The following DLGAP1 variants were observed in gnomAD, a reference collection of about 807,000 sequenced individuals.
DLGAP1 encodes the protein disks large-associated protein 1.
In DLGAP1, 11 loss-of-function variants were observed where a neutral mutation model predicts 90.8. The observed-to-expected ratio is 0.12, with a 90% confidence interval of 0.08 to 0.20. DLGAP1 has a LOEUF of 0.20. Ranked by LOEUF, DLGAP1 falls within the 10% of genes least tolerant of loss-of-function variation. The probability of loss-of-function intolerance (pLI) is 1.00; values close to 1 mark genes in which losing one functional copy is unlikely to be tolerated. For synonymous variants in DLGAP1, 558 were observed against 540.7 expected (o/e 1.03, Z -0.44); for missense variants, 1,050 against 1,333.8 (o/e 0.79, Z 3.31).
chr18:4,328,283 A>C (rs1003722342), intron 1 of DLGAP1, among the ~76,000 whole-genome samples: 20 of 151,924 alleles, frequency 1.3e-4, no homozygotes, highest in African/African-American at 4.6e-4. Flanking sequence ...TCAGCCAATG[A>C]ACTAAAGAAA....
intron 2 of DLGAP1, among the ~76,000 whole-genome samples, chr18:4,145,989 C>T (rs1356166010): frequency 6.6e-6 from 1 of 152,102 alleles, no homozygotes; most frequent in African/African-American, 2.4e-5. Context: ...AAAAAAAATG[C>T]TGAATTTTTC....
At chr18:4,369,187 A>G (rs1320211628) in intron 1 of DLGAP1, among the ~76,000 whole-genome samples, 4 of 152,162 alleles carry the variant, frequency 2.6e-5, no homozygotes, top group African/African-American at 4.8e-5. Context: ...AACTTTTCCT[A>G]GGTGTATGTT....
intron 9 of DLGAP1, among the ~76,000 whole-genome samples, chr18:3,554,337 A>G (rs537513472): frequency 7.2e-5 from 11 of 152,302 alleles, no homozygotes; most frequent in South Asian, 2.1e-4. Flanking sequence ...TGTGTGTCCT[A>G]TAGAGCGGTA....
chr18:3,659,455 G>A (rs1217055551), intron 7 of DLGAP1, among the ~76,000 whole-genome samples: 7 of 46,292 alleles, frequency 1.5e-4, no homozygotes, highest in South Asian at 1.2e-3. Flanking sequence ...ACCCCCCGCC[G>A]CCCCCACCCC....
intron 1 of DLGAP1, among the ~76,000 whole-genome samples, chr18:4,217,978 C>T (rs529986078): frequency 6.6e-6 from 1 of 152,028 alleles, no homozygotes; most frequent in East Asian, 1.9e-4. Context: ...TATCTAAACA[C>T]ATTGCTAAAA....
chr18:4,347,997 A>G (rs1000314204), intron 1 of DLGAP1, among the ~76,000 whole-genome samples: 1 of 152,150 alleles, frequency 6.6e-6, no homozygotes, highest in Non-Finnish European at 1.5e-5. Context: ...AAATTAAGAT[A>G]TTAATCCTTC....
intron 7 of DLGAP1, among the ~76,000 whole-genome samples, chr18:3,592,900 GAAAAAGA>G (rs1329083351): frequency 3.0e-5 from 2 of 66,934 alleles, no homozygotes; most frequent in Non-Finnish European, 7.0e-5. Flanking sequence ...AAAAGAAAAA[GAAAAAGA>G]AAAAAAAGAA....
At chr18:4,279,258 T>C (rs1057234978) in intron 1 of DLGAP1, among the ~76,000 whole-genome samples, 4 of 152,036 alleles carry the variant, frequency 2.6e-5, no homozygotes, top group Non-Finnish European at 5.9e-5. Context: ...TACAGGAAAG[T>C]GCATTCTAAA....
rs2082162473 is a variant in DLGAP1 at position 4,383,078 on chromosome 18, G to A, written c.-267+71928C>T. Among the ~76,000 whole-genome samples the A allele has an allele frequency of 6.6e-6, 1 of 152,100 alleles. No homozygotes were observed. The highest frequency in any genetic ancestry group is 1.5e-5 in the Non-Finnish European group (1 of 68,026). On this transcript the variant is annotated intron_variant, in intron 1 of 12. Coordinates refer to ENST00000315677, the MANE Select transcript of DLGAP1 (RefSeq NM_004746.4). This position sits in a 1 kb window ranked among gnomAD's most constrained non-coding sequence, Gnocchi z 4.0. ...CTAATAGAGGTCAAATGACTGATCT[G>A]CCTGCTAACAGAGTTTAGCAAAGGA...
chr18:3,752,978 C>T (rs948722294), intron 5 of DLGAP1, among the ~76,000 whole-genome samples: 11 of 152,116 alleles, frequency 7.2e-5, no homozygotes, highest in Non-Finnish European at 1.2e-4. Context: ...ATGAATAATG[C>T]TGTAATAAAC....
intron 3 of DLGAP1, among the ~76,000 whole-genome samples, chr18:3,943,451 G>GTTTTTT (rs11453774): frequency 1.8e-4 from 24 of 131,216 alleles, no homozygotes; most frequent in East Asian, 1.4e-3. Context: ...GAAAGAGAGG[G>GTTTTTT]TTTTTTTTTT....
intron 1 of DLGAP1, among the ~76,000 whole-genome samples, chr18:4,264,366 G>T: frequency 6.6e-6 from 1 of 152,238 alleles, no homozygotes; most frequent in East Asian, 1.9e-4. Flanking sequence ...CATCCGGTCA[G>T]AGGAACAAAG....
At chr18:3,538,845 T>A (rs2052529076) in intron 9 of DLGAP1, among the ~76,000 whole-genome samples, 1 of 152,224 alleles carries the variant, frequency 6.6e-6, no homozygotes, top group Non-Finnish European at 1.5e-5. Flanking sequence ...TCTGTTTTTA[T>A]CTACACAGAA....
At chr18:4,315,578 TTTA>T (rs1378115009) in intron 1 of DLGAP1, among the ~76,000 whole-genome samples, 1 of 152,220 alleles carries the variant, frequency 6.6e-6, no homozygotes, top group Non-Finnish European at 1.5e-5. Context: ...TTGAATGCAA[TTTA>T]TTATGCTTAT....
intron 5 of DLGAP1, among the ~76,000 whole-genome samples, chr18:3,747,669 G>C (rs1216986278): frequency 6.6e-6 from 1 of 152,124 alleles, no homozygotes; most frequent in South Asian, 2.1e-4. Context: ...GGCTGAATGG[G>C]GAAATGAGGC....
chr18:4,038,128 T>A (rs1351157046), intron 2 of DLGAP1, among the ~76,000 whole-genome samples: 1 of 152,180 alleles, frequency 6.6e-6, no homozygotes, highest in African/African-American at 2.4e-5. Flanking sequence ...TAAAGAGTGA[T>A]TTCTTAATCC....
At position 4,140,407 on chromosome 18, in the gene DLGAP1, T is replaced by C. The variant is rs183939569; in HGVS notation, c.-159+10773A>G. On this transcript the variant is annotated intron_variant, in intron 2 of 12. Transcript: ENST00000315677. ...TACAAATAAGCAAAGAGAAAATGAA[T>C]AAAAACTCTACACTTTAACTTTGTC... 2.0e-5 allele frequency among the ~76,000 whole-genome samples: 3 copies of C among 152,052 alleles called. No individual in the cohort carries two copies. The East Asian group carries it at 5.8e-4, about 29-fold the overall frequency.
At position 3,561,740 on chromosome 18, in the gene DLGAP1, G is replaced by C. The variant is rs567480709; in HGVS notation, c.2057+5750C>G. Among the ~76,000 whole-genome samples, 2 of 150,352 alleles carry C rather than the reference G, an allele frequency of 1.3e-5. 1 individual carries two copies. The highest frequency in any genetic ancestry group is 4.2e-4 in the South Asian group (2 of 4,806). On this transcript the variant is annotated intron_variant, in intron 9 of 12. Coordinates refer to ENST00000315677, the MANE Select transcript of DLGAP1 (RefSeq NM_004746.4). ...GGATATACTTCTTTCAATTTTTTTC[G>C]TTTTTGAGTGTTTTTATAGTGACTA...
At chr18:3,601,087 T>C (rs1599470471) in intron 7 of DLGAP1, among the ~76,000 whole-genome samples, 1 of 149,754 alleles carries the variant, frequency 6.7e-6, no homozygotes, top group African/African-American at 2.4e-5. Context: ...GATAGATATA[T>C]AGATATATAT....
Sources: allele counts gnomAD v4.1 joint callset (sites outside exome capture counted in the v4.1 genomes callset), GRCh38; gene constraint gnomAD v4.1.1; non-coding constraint Gnocchi (gnomAD v3.1); transcripts MANE v1.5; gene names NCBI Gene and HGNC (gene_info 2026-07-23, HGNC 2026-07-21).